Variants in CACNB4 observed in about 807,000 individuals in gnomAD.
CACNB4 encodes the protein voltage-dependent L-type calcium channel subunit beta-4.
In CACNB4, 32 loss-of-function variants were observed where a neutral mutation model predicts 71.2. The observed-to-expected ratio is 0.45, with a 90% CI of 0.34 to 0.60. The LOEUF is 0.60. Among genes scored for constraint, CACNB4 ranks in the 20% least tolerant of loss-of-function variants. CACNB4 has a pLI of 0.01. For synonymous variants in CACNB4, 231 were observed against 236.9 expected, an observed-to-expected ratio of 0.97 and a Z score of 0.23; for missense variants, 464 against 647.9, an observed-to-expected ratio of 0.72 and a Z score of 3.08.
chr2:151,978,622 G>A (rs563444420), intron 2 of CACNB4, among the ~76,000 whole-genome samples: 133 of 152,280 alleles, frequency 8.7e-4, no homozygotes, highest in Admixed American at 3.7e-3. Flanking sequence ...CTAATAAAAC[G>A]TTCGGATGGG....
intron 6 of CACNB4, chr2:151,871,333 G>A (rs2099844574): frequency 6.5e-6 from 1 of 154,280 alleles, no homozygotes; most frequent in Non-Finnish European, 1.4e-5. Flanking sequence ...GGGCATTTTT[G>A]CCCATTTTCT....
intron 2 of CACNB4, among the ~76,000 whole-genome samples, chr2:152,033,345 C>T (rs1684391979): frequency 1.3e-5 from 2 of 152,198 alleles, no homozygotes; most frequent in Admixed American, 1.3e-4. Flanking sequence ...TGACTGAAAA[C>T]AACAGGGAGG....
At chr2:152,035,620 C>CTCTCTCTCT (rs1684527674) in intron 2 of CACNB4, among the ~76,000 whole-genome samples, 2 of 48,372 alleles carry the variant, frequency 4.1e-5, no homozygotes, top group African/African-American at 1.4e-4. Flanking sequence ...TCTCTCTCTC[C>CTCTCTCTCT]CTCCCTCTCC....
intron 2 of CACNB4, among the ~76,000 whole-genome samples, chr2:152,050,716 TA>T (rs951810930): frequency 6.6e-6 from 1 of 151,956 alleles, no homozygotes; most frequent in East Asian, 1.9e-4. Context: ...ACTCTGTCTC[TA>T]AAAAAAATTT....
chr2:152,018,081 C>A (rs1683448689), intron 2 of CACNB4, among the ~76,000 whole-genome samples: 1 of 152,148 alleles, frequency 6.6e-6, no homozygotes, highest in Admixed American at 6.5e-5. Flanking sequence ...GATCCACCCG[C>A]TTCAGCCTCC....
At chr2:151,984,384 T>G (rs73011598) in intron 2 of CACNB4, among the ~76,000 whole-genome samples, 1,767 of 152,288 alleles carry the variant, frequency 0.012, 34 homozygotes, top group African/African-American at 0.041. Context: ...ACCAGGTACC[T>G]TTAGAGCTTT....
chr2:151,962,483 A>G (rs1325043599), intron 2 of CACNB4, among the ~76,000 whole-genome samples: 2 of 151,942 alleles, frequency 1.3e-5, no homozygotes, highest in African/African-American at 2.4e-5. Flanking sequence ...AAATATTGCT[A>G]CTGAATCATG....
In CACNB4 at chr2:152,009,464, G is replaced by T. The variant is rs560443685; in HGVS notation, c.147+88866C>A. Among the ~76,000 whole-genome samples the T allele has an allele frequency of 2.0e-5, 3 of 152,258 alleles. No individual in the cohort carries two copies. In the South Asian group the frequency reaches 6.2e-4, roughly 32 times the overall value. ...AAGAACATATCAATATCAGTTTACC[G>T]ATGGTGACAAATGTACCATAGTAAG... On this transcript the variant is annotated intron_variant, in intron 2 of 13. Transcript: ENST00000539935.
intron 2 of CACNB4, among the ~76,000 whole-genome samples, chr2:151,921,870 C>T (rs138638082): frequency 3.9e-4 from 59 of 152,264 alleles, no homozygotes; most frequent in African/African-American, 1.4e-3. Context: ...ATGTGCCTGC[C>T]TCCCCTTCCC....
chr2:151,863,839 G>A (rs561788986), intron 9 of CACNB4, among the ~76,000 whole-genome samples: 1 of 152,038 alleles, frequency 6.6e-6, no homozygotes, highest in African/African-American at 2.4e-5. Flanking sequence ...GCTAATACAA[G>A]TTATTGATTA....
chr2:151,832,931 G>GT lies in CACNB4; in HGVS notation c.*6187dup, dbSNP rs534102930. 3.9e-5 allele frequency: 6 copies of GT among 151,912 alleles called. No individual in the cohort carries two copies. In the East Asian group the frequency reaches 9.7e-4, roughly 24 times the overall value. 9.4% of individuals were successfully genotyped at this position (151,912 alleles called of 1,614,324 possible). ...TTTTTATTCACAAAAATAACACCAC[G>GT]TTTTTTTCTTTAAAGCCACTAAAGC... On this transcript the variant is annotated 3_prime_UTR_variant, in exon 14 of 14. Coordinates refer to ENST00000539935, the MANE Select transcript of CACNB4 (RefSeq NM_000726.5).
chr2:151,860,114 C>A (rs3768653), intron 10 of CACNB4: 21,210 of 152,904 alleles, frequency 0.14, 1,824 homozygotes, highest in Middle Eastern at 0.28. Flanking sequence ...ACTATGGACT[C>A]GCTTCTGTGG....
chr2:151,999,365 GC>G (rs1233193810), intron 2 of CACNB4, among the ~76,000 whole-genome samples: 1 of 111,934 alleles, frequency 8.9e-6, no homozygotes, highest in Non-Finnish European at 1.9e-5. Context: ...CTGTCTGCCC[GC>G]CCTGTTATGG....
At chr2:151,874,999 G>C in intron 5 of CACNB4, 1 of 400,558 alleles carries the variant, frequency 2.5e-6, no homozygotes, top group Non-Finnish European at 4.4e-6. Context: ...TATCAGTGCC[G>C]GGACCTGCAC....
chr2:151,855,166 C>G, intron 11 of CACNB4, 58 bp downstream of exon 11: 2 of 1,289,876 alleles, frequency 1.6e-6, no homozygotes, highest in Non-Finnish European at 1.1e-6. Flanking sequence ...AACCACAGAG[C>G]AAAACACATT....
chr2:152,001,526 T>TAAAAA lies in CACNB4; in HGVS notation c.147+96799_147+96803dup, dbSNP rs70974816. Reference sequence around the variant, plus strand: ...CAACATGGTGAAACCCCATCTCTACTAAAAAAAAAAAAAAAAAAAAAAAAA... The same window carrying TAAAAA: ...CAACATGGTGAAACCCCATCTCTACTAAAAAAAAAAAAAAAAAAAAAAAAAAAAAA... On this transcript the variant is annotated intron_variant, in intron 2 of 13. Transcript: ENST00000539935. Among the ~76,000 whole-genome samples the TAAAAA allele has an allele frequency of 1.3e-3, 46 of 35,482 alleles. 1 individual carries two copies. Among genetic ancestry groups the TAAAAA allele is most frequent in the East Asian group, 4.2e-3 (3 of 722 alleles). The allele number at this position is 35,482 out of a possible 152,430, so 23.3% of individuals were successfully genotyped here.
chr2:152,083,364 G>C (rs2105430381), intron 2 of CACNB4, among the ~76,000 whole-genome samples: 1 of 152,028 alleles, frequency 6.6e-6, no homozygotes, highest in South Asian at 2.1e-4. Context: ...GAGGAAGGAA[G>C]GAAGGGAGGG....
At chr2:151,955,020 A>AT (rs1005644214) in intron 2 of CACNB4, among the ~76,000 whole-genome samples, 1 of 151,468 alleles carries the variant, frequency 6.6e-6, no homozygotes, top group African/African-American at 2.4e-5. Context: ...TGCCCAGCTA[A>AT]TTTTTTTTGT....
chr2:151,991,467 G>A (rs1001828106), intron 2 of CACNB4, among the ~76,000 whole-genome samples: 1 of 152,174 alleles, frequency 6.6e-6, no homozygotes, highest in African/African-American at 2.4e-5. Flanking sequence ...TGAGCCAGAT[G>A]ACTTTTCATT....
Sources: allele counts gnomAD v4.1 joint callset (sites outside exome capture counted in the v4.1 genomes callset), GRCh38; gene constraint gnomAD v4.1.1; transcripts MANE v1.5; gene names NCBI Gene and HGNC (gene_info 2026-07-23, HGNC 2026-07-21).